DOCK7: variants seen among roughly 807,000 people sequenced by gnomAD.
DOCK7 encodes dedicator of cytokinesis 7.
A neutral mutation model predicts 271.0 loss-of-function variants in DOCK7; 138 were observed. The ratio of observed to expected loss-of-function variants is 0.51; its 90% CI spans 0.44 to 0.59. DOCK7 has a LOEUF of 0.59. Among genes scored for constraint, DOCK7 ranks in the 20% least tolerant of loss-of-function variants. DOCK7 has a pLI of 0.00. For missense variants in DOCK7, 2,066 were observed against 2,592.4 expected (o/e 0.80, Z 4.41); for synonymous variants, 823 against 876.1 (o/e 0.94, Z 1.07).
intron 21 of DOCK7, among the ~76,000 whole-genome samples, chr1:62,553,346 ATATATATATTTTTTTTTTTTTTTT>A (rs1463495158): frequency 0.061 from 1,481 of 24,332 alleles, 59 homozygotes; most frequent in South Asian, 0.19. Flanking sequence ...ATATATATAT[ATATATATATTTTTTTTTTTTTTTT>A]TTTTTTTTTT....
intron 18 of DOCK7, among the ~76,000 whole-genome samples, chr1:62,563,330 T>C (rs980804155): frequency 6.6e-6 from 1 of 152,130 alleles, no homozygotes; most frequent in Non-Finnish European, 1.5e-5. Flanking sequence ...ATGTCCTGGA[T>C]GTAATTAAAA....
chr1:62,607,559 G>T (rs539750224), intron 14 of DOCK7, among the ~76,000 whole-genome samples: 1 of 152,060 alleles, frequency 6.6e-6, no homozygotes. Context: ...TCAATCTTCC[G>T]AAAAGGAATT....
At chr1:62,488,078 G>A (rs530297994) in intron 42 of DOCK7, 55 of 152,370 alleles carry the variant, frequency 3.6e-4, no homozygotes, top group African/African-American at 1.3e-3. Context: ...CAAAAAAGAA[G>A]AGGTCAAGCT....
intron 48 of DOCK7, chr1:62,459,239 AT>A (rs1310800881): frequency 6.6e-6 from 1 of 151,338 alleles, no homozygotes; most frequent in Non-Finnish European, 1.5e-5. Context: ...AGAGGATATA[AT>A]GTACTTTTTT....
At chr1:62,498,714 A>G (rs1238639846) in intron 37 of DOCK7, among the ~76,000 whole-genome samples, 1 of 151,846 alleles carries the variant, frequency 6.6e-6, no homozygotes, top group East Asian at 1.9e-4. Context: ...ACACAGTTCC[A>G]TATTTTACTA....
At chr1:62,473,927 C>T (rs1645901574) in intron 48 of DOCK7, 55 bp downstream of exon 48, 3 of 1,437,796 alleles carry the variant, frequency 2.1e-6, no homozygotes, top group African/African-American at 1.4e-5. Flanking sequence ...TTATGTCATA[C>T]TGTGGTATTG....
intron 43 of DOCK7, chr1:62,487,189 G>A (rs1434885520): frequency 5.0e-6 from 2 of 401,428 alleles, no homozygotes; most frequent in Non-Finnish European, 9.1e-6. Context: ...TGTAACATAT[G>A]GATTTCCATG....
At chr1:62,621,717 G>A (rs1287121987) in intron 12 of DOCK7, among the ~76,000 whole-genome samples, 1 of 152,010 alleles carries the variant, frequency 6.6e-6, no homozygotes, top group African/African-American at 2.4e-5. Context: ...GACTTTACAA[G>A]GTTTCTTCAG....
Position 62,638,032 on chromosome 1 carries a change from A to G in DOCK7, c.819-1429T>C, listed in dbSNP as rs74655617. Among the ~76,000 whole-genome samples the G allele has an allele frequency of 2.8e-3, 421 of 152,240 alleles. 4 individuals carry two copies. Among genetic ancestry groups the G allele is most frequent in the African/African-American group, 9.5e-3 (394 of 41,552 alleles). ...ACAAAACCTACTCTGCATCATTTTG[A>G]TACTGTCGGTCCATTTATTTTGGCC... On this transcript the variant is annotated intron_variant, in intron 7 of 49. Coordinates refer to ENST00000635253, the MANE Select transcript of DOCK7 (RefSeq NM_001367561.1).
rs556338311 is a variant in DOCK7 at position 62,543,471 on chromosome 1, A to C, written c.2949+185T>G. ...AAAGATATAAACATTATCATAATGT[A>C]AAAAAGTATACATTGACAAGATATG... On this transcript the variant is annotated intron_variant, in intron 24 of 49. Coordinates refer to ENST00000635253, the MANE Select transcript of DOCK7 (RefSeq NM_001367561.1). The C allele has an allele frequency of 1.7e-4, 72 of 424,762 alleles. No homozygotes were observed. In the East Asian group the frequency reaches 2.3e-3, roughly 14 times the overall value. The allele number at this position is 424,762 out of a possible 1,614,324, so 26.3% of individuals were successfully genotyped here.
chr1:62,561,957 C>T (rs953305257), intron 18 of DOCK7, among the ~76,000 whole-genome samples: 1 of 149,210 alleles, frequency 6.7e-6, no homozygotes, highest in African/African-American at 2.6e-5. Context: ...CAGAGATATA[C>T]CCCCTTATAT....
intron 7 of DOCK7, among the ~76,000 whole-genome samples, chr1:62,640,544 G>C (rs1655889971): frequency 6.6e-6 from 1 of 151,798 alleles, no homozygotes; most frequent in South Asian, 2.1e-4. Flanking sequence ...AAAAAATTAA[G>C]TGTGTGTGTG....
At chr1:62,608,847 G>A (rs1016802658) in intron 14 of DOCK7, 1 of 134,568 alleles carries the variant, frequency 7.4e-6, no homozygotes, top group Non-Finnish European at 1.6e-5. Context: ...ACTCATGGAA[G>A]TCAACTAACT....
intron 2 of DOCK7, among the ~76,000 whole-genome samples, chr1:62,657,353 T>A (rs769695953): frequency 1.3e-5 from 2 of 152,052 alleles, no homozygotes; most frequent in Non-Finnish European, 2.9e-5. Context: ...AGAAGACAAG[T>A]AAGAAATCTG....
chr1:62,549,808 C>T lies in DOCK7; in HGVS notation c.2766+2924G>A, dbSNP rs1285112237. ...CTGTACCCATTAACTATCTCCATTT[C>T]CCTCCTAACACCCACTGCCCCTTCC... On this transcript the variant is annotated intron_variant, in intron 22 of 49. Transcript: ENST00000635253. Among the ~76,000 whole-genome samples the T allele has an allele frequency of 3.9e-5, 6 of 152,224 alleles. 1 individual carries two copies. The Middle Eastern group carries it at 0.017, about 431-fold the overall frequency.
intron 41 of DOCK7, 41 bp from the exon 42 acceptor site, chr1:62,489,106 A>T (rs943913982): frequency 2.0e-6 from 3 of 1,505,398 alleles, no homozygotes; most frequent in Non-Finnish European, 2.7e-6. Context: ...TTTCTTTTAC[A>T]TCAATAAGAA....
intron 2 of DOCK7, among the ~76,000 whole-genome samples, chr1:62,662,569 T>C (rs1223094421): frequency 6.6e-6 from 1 of 152,100 alleles, no homozygotes; most frequent in Non-Finnish European, 1.5e-5. Context: ...AAGACCAGCC[T>C]GGCCAATATG....
At chr1:62,602,109 C>G (rs1650212421) in intron 14 of DOCK7, among the ~76,000 whole-genome samples, 1 of 151,534 alleles carries the variant, frequency 6.6e-6, no homozygotes, top group African/African-American at 2.4e-5. Context: ...TGCCAAAATT[C>G]ATTAATTGCC....
chr1:62,558,712 A>C (rs570363725), intron 20 of DOCK7, among the ~76,000 whole-genome samples: 1 of 152,146 alleles, frequency 6.6e-6, no homozygotes, highest in Non-Finnish European at 1.5e-5. Context: ...AACAGTGCCT[A>C]TCAGTGTCAG....
Sources: gnomAD v4.1 joint callset for allele counts (sites outside exome capture counted in the v4.1 genomes callset) on GRCh38, gnomAD v4.1.1 for gene constraint, MANE v1.5 for transcripts, NCBI Gene and HGNC (gene_info 2026-07-23, HGNC 2026-07-21) for gene names.